Variants in FAM107B observed in about 807,000 individuals in gnomAD.
FAM107B encodes protein FAM107B.
Under a neutral mutation model 31.5 loss-of-function variants are expected in FAM107B, and 21 were observed. The observed-to-expected ratio is 0.67, with a 90% CI of 0.47 to 0.96. The LOEUF (loss-of-function observed/expected upper bound fraction) is 0.96, where lower values mean the gene tolerates loss of function less well. FAM107B is among the 40% of genes least tolerant of loss of function. The pLI, the probability that FAM107B is intolerant of heterozygous loss-of-function variation, is 0.00. For missense variants in FAM107B, 452 were observed against 377.1 expected (o/e 1.20, Z -1.64); for synonymous variants, 157 against 141.5 (o/e 1.11, Z -0.78).
chr10:14,710,785 T>C (rs568933666), intron 1 of FAM107B, among the ~76,000 whole-genome samples: 95 of 152,276 alleles, frequency 6.2e-4, no homozygotes, highest in African/African-American at 2.2e-3. Flanking sequence ...AGAAAAAATA[T>C]TTTTATAGAG....
At chr10:14,613,164 G>A (rs528752500) in intron 2 of FAM107B, among the ~76,000 whole-genome samples, 36 of 152,130 alleles carry the variant, frequency 2.4e-4, no homozygotes, top group African/African-American at 8.7e-4. Context: ...GAGAGACAAG[G>A]TTTCACCACG....
chr10:14,746,116 C>T (rs1832722845), intron 1 of FAM107B, among the ~76,000 whole-genome samples: 1 of 152,138 alleles, frequency 6.6e-6, no homozygotes, highest in South Asian at 2.1e-4. Context: ...ACTAGAATTG[C>T]AACCCTGCTT....
chr10:14,651,476 A>T (rs1362350406), intron 2 of FAM107B, among the ~76,000 whole-genome samples: 2 of 152,124 alleles, frequency 1.3e-5, no homozygotes, highest in Non-Finnish European at 2.9e-5. Context: ...GTGGTGGTGC[A>T]TGCCTGTAAT....
At chr10:14,543,871 C>T (rs1848466269) in intron 2 of FAM107B, among the ~76,000 whole-genome samples, 1 of 152,148 alleles carries the variant, frequency 6.6e-6, no homozygotes, top group Non-Finnish European at 1.5e-5. Context: ...CTCCACCACA[C>T]AGGTTTATAA....
intron 1 of FAM107B, among the ~76,000 whole-genome samples, chr10:14,750,776 G>A (rs1832811592): frequency 6.6e-6 from 1 of 152,140 alleles, no homozygotes; most frequent in South Asian, 2.1e-4. Flanking sequence ...GTGAGATGCT[G>A]TCTCTACAAA....
intron 1 of FAM107B, among the ~76,000 whole-genome samples, chr10:14,679,803 T>C (rs1019105981): frequency 6.6e-6 from 1 of 152,160 alleles, no homozygotes; most frequent in Non-Finnish European, 1.5e-5. Context: ...GTGGGCACCA[T>C]CTAATCAGCT....
chr10:14,760,108 C>T (rs551945302), intron 1 of FAM107B, among the ~76,000 whole-genome samples: 1 of 152,252 alleles, frequency 6.6e-6, no homozygotes, highest in South Asian at 2.1e-4. Context: ...AATTTAAGGC[C>T]ACGTGGGAGA....
chr10:14,762,473 C>G (rs1833069438), intron 1 of FAM107B, among the ~76,000 whole-genome samples: 1 of 152,106 alleles, frequency 6.6e-6, no homozygotes, highest in Non-Finnish European at 1.5e-5. Flanking sequence ...ATTCAAGAGA[C>G]GTGACTGACC....
At chr10:14,667,173 A>G (rs1300825531) in intron 2 of FAM107B, among the ~76,000 whole-genome samples, 1 of 152,214 alleles carries the variant, frequency 6.6e-6, no homozygotes, top group Admixed American at 6.5e-5. Flanking sequence ...TTCTTTCCTC[A>G]TTAACTCATA....
At chr10:14,546,132 A>T (rs1848671902) in intron 2 of FAM107B, among the ~76,000 whole-genome samples, 1 of 152,270 alleles carries the variant, frequency 6.6e-6, no homozygotes, top group Admixed American at 6.5e-5. Flanking sequence ...CTTTAGAAGG[A>T]ACACAGAGAC....
Position 14,532,988 on chromosome 10 carries a change from G to A in FAM107B, c.470-2473C>T, listed in dbSNP as rs180993232. ...TGGGGGGGATGAGGAATGGCAAAGC[G>A]CGAGGCTGGCTGCAGGGGAGGGAGG... On this transcript the variant is annotated intron_variant, in intron 2 of 4. Coordinates refer to ENST00000181796, the MANE Select transcript of FAM107B (RefSeq NM_031453.4). 2.7e-4 allele frequency among the ~76,000 whole-genome samples: 41 copies of A among 152,264 alleles called. 1 individual carries two copies. The South Asian group carries it at 6.4e-3, about 24-fold the overall frequency.
At chr10:14,613,796 G>C (rs999735754) in intron 2 of FAM107B, among the ~76,000 whole-genome samples, 3 of 152,046 alleles carry the variant, frequency 2.0e-5, no homozygotes, top group Non-Finnish European at 1.5e-5. Context: ...ATTATACAAC[G>C]CTTTTCCCTC....
intron 2 of FAM107B, among the ~76,000 whole-genome samples, chr10:14,537,351 G>A (rs1329842982): frequency 6.6e-6 from 1 of 152,222 alleles, no homozygotes; most frequent in East Asian, 1.9e-4. Context: ...CCATGAGGCA[G>A]GGGTCATGAC....
At chr10:14,556,393 CA>C in intron 2 of FAM107B, 1 of 985,436 alleles carries the variant, frequency 1.0e-6, no homozygotes, top group Non-Finnish European at 1.2e-6. Flanking sequence ...AGGGCTTGAC[CA>C]GGATTCTCTG....
intron 1 of FAM107B, among the ~76,000 whole-genome samples, chr10:14,691,760 G>A (rs1030970714): frequency 1.3e-5 from 2 of 152,008 alleles, no homozygotes; most frequent in African/African-American, 2.4e-5. Flanking sequence ...CAGGCATGGT[G>A]GCAGGTGGCT....
chr10:14,629,479 TATAACATATATA>T lies in FAM107B; in HGVS notation c.469+38143_469+38154del, dbSNP rs1853290575. ...ATATTATATATATATTTAATATATA[TATAACATATATA>T]ATATATATATATTTAATATATATAT... On this transcript the variant is annotated intron_variant, in intron 2 of 4. Coordinates refer to ENST00000181796, the MANE Select transcript of FAM107B (RefSeq NM_031453.4). 6.2e-5 allele frequency among the ~76,000 whole-genome samples: 7 copies of T among 112,478 alleles called. 1 individual carries two copies. Among genetic ancestry groups the T allele is most frequent in the African/African-American group, 2.6e-4 (7 of 26,658 alleles). 73.8% of individuals were successfully genotyped at this position (112,478 alleles called of 152,430 possible). A position where few individuals can be genotyped will look rare whatever the true frequency, so the allele number is the denominator to read the frequency against.
intron 1 of FAM107B, among the ~76,000 whole-genome samples, chr10:14,760,298 C>T (rs576798228): frequency 1.2e-4 from 18 of 152,266 alleles, no homozygotes; most frequent in Admixed American, 2.0e-4. Flanking sequence ...CGGCAGAGAA[C>T]GAACCTCTGG....
chr10:14,545,880 A>G (rs1478337232), intron 2 of FAM107B, among the ~76,000 whole-genome samples: 1 of 152,216 alleles, frequency 6.6e-6, no homozygotes, highest in Non-Finnish European at 1.5e-5. Flanking sequence ...CATTCATCTC[A>G]GGAAACTACA....
chr10:14,656,594 T>G (rs1854062746), intron 2 of FAM107B, among the ~76,000 whole-genome samples: 1 of 152,152 alleles, frequency 6.6e-6, no homozygotes, highest in Non-Finnish European at 1.5e-5. Context: ...AAGTAAGAAG[T>G]GGGTAGAGAG....
Sources: allele counts gnomAD v4.1 joint callset (sites outside exome capture counted in the v4.1 genomes callset), GRCh38; gene constraint gnomAD v4.1.1; transcripts MANE v1.5; gene names NCBI Gene and HGNC (gene_info 2026-07-23, HGNC 2026-07-21).